The following FAM174A variants were observed in gnomAD, a reference collection of about 807,000 sequenced individuals.
The protein encoded by FAM174A is family with sequence similarity 174 member A.
A neutral mutation model predicts 14.3 loss-of-function variants in FAM174A; 14 were observed. The observed-to-expected ratio is 0.98, with a 90% CI of 0.65 to 1.53. FAM174A has a LOEUF of 1.53. Ranked by LOEUF, FAM174A falls within the 40% of genes most tolerant of loss-of-function variation. FAM174A has a pLI of 0.00. For missense variants in FAM174A, 241 were observed against 249.6 expected (o/e 0.97, Z 0.23); for synonymous variants, 108 against 111.4 (o/e 0.97, Z 0.19).
intron 1 of FAM174A, among the ~76,000 whole-genome samples, chr5:100,553,106 T>C (rs888626222): frequency 6.6e-6 from 1 of 152,070 alleles, no homozygotes; most frequent in African/African-American, 2.4e-5. Context: ...TCAACACACA[T>C]ATAGATGAGT....
chr5:100,564,149 G>A (rs528030063), intron 2 of FAM174A, among the ~76,000 whole-genome samples: 4 of 151,936 alleles, frequency 2.6e-5, no homozygotes, highest in African/African-American at 9.6e-5. Context: ...CCAAGCAGAT[G>A]TCAGCACCAT....
At chr5:100,574,058 C>T (rs1746850632) in intron 2 of FAM174A, among the ~76,000 whole-genome samples, 1 of 152,120 alleles carries the variant, frequency 6.6e-6, no homozygotes, top group Non-Finnish European at 1.5e-5. Context: ...TTAAGACAGT[C>T]ATGTATAAAC....
chr5:100,574,569 A>C (rs1746862449), intron 2 of FAM174A, among the ~76,000 whole-genome samples: 1 of 152,152 alleles, frequency 6.6e-6, no homozygotes, highest in Admixed American at 6.6e-5. Context: ...GAAGTTACTA[A>C]GTCCTATTTC....
At chr5:100,547,404 C>T (rs934876433) in intron 1 of FAM174A, among the ~76,000 whole-genome samples, 10 of 152,056 alleles carry the variant, frequency 6.6e-5, no homozygotes, top group Non-Finnish European at 1.5e-4. Context: ...CACACCTCCA[C>T]AGAAACCTAG....
intron 2 of FAM174A, among the ~76,000 whole-genome samples, chr5:100,577,591 A>G (rs1746927816): frequency 6.6e-6 from 1 of 152,154 alleles, no homozygotes; most frequent in African/African-American, 2.4e-5. Flanking sequence ...CAATTTGAAA[A>G]TACTGTAGTT....
At chr5:100,558,070 C>T (rs1222131137) in intron 1 of FAM174A, among the ~76,000 whole-genome samples, 1 of 152,110 alleles carries the variant, frequency 6.6e-6, no homozygotes, top group Admixed American at 6.6e-5. Context: ...CTCTTGTGGG[C>T]ATTTAGTGCT....
chr5:100,582,565 G>A, intron 2 of FAM174A, among the ~76,000 whole-genome samples: 1 of 151,942 alleles, frequency 6.6e-6, no homozygotes, highest in South Asian at 2.1e-4. Context: ...TTTAAATTAA[G>A]TAGTAGTAAA....
chr5:100,554,946 A>T (rs894184149), intron 1 of FAM174A, among the ~76,000 whole-genome samples: 11 of 151,778 alleles, frequency 7.2e-5, no homozygotes, highest in Non-Finnish European at 1.3e-4. Flanking sequence ...TTTTAATTAT[A>T]CTTTAAGTTT....
At chr5:100,574,680 A>G (rs749146443) in intron 2 of FAM174A, among the ~76,000 whole-genome samples, 1 of 152,110 alleles carries the variant, frequency 6.6e-6, no homozygotes, top group Non-Finnish European at 1.5e-5. Context: ...ACTCTTATTG[A>G]ATAAAAATTA....
intron 2 of FAM174A, among the ~76,000 whole-genome samples, chr5:100,572,245 T>TA (rs1354303496): frequency 6.1e-5 from 9 of 148,082 alleles, no homozygotes; most frequent in Non-Finnish European, 1.2e-4. Context: ...TTTTTTTTTT[T>TA]ACGTCTTTTT....
intron 2 of FAM174A, chr5:100,581,507 C>CTT (rs2112406005): frequency 2.5e-6 from 1 of 393,800 alleles, no homozygotes; most frequent in East Asian, 1.6e-4. Flanking sequence ...GATCCCAACA[C>CTT]TTTGGGAGGC....
intron 1 of FAM174A, among the ~76,000 whole-genome samples, chr5:100,551,817 G>A (rs371299842): frequency 1.3e-4 from 20 of 152,184 alleles, no homozygotes; most frequent in East Asian, 1.2e-3. Flanking sequence ...TTCACATGGC[G>A]TTCTGCCTGT....
rs1479380359 is a variant in FAM174A, at chr5:100,556,057, A to AGG, written c.435-5995_435-5994dup. Among the ~76,000 whole-genome samples, 25 of 152,264 alleles carry AGG rather than the reference A, an allele frequency of 1.6e-4. No individual in the cohort carries two copies. The East Asian group carries it at 4.4e-3, about 27-fold the overall frequency. On this transcript the variant is annotated intron_variant, in intron 1 of 2. Transcript: ENST00000312637. ...AATGGTATTGCCTAGGTTTTCTTCT[A>AGG]GGGTTTTTATGGTTTTAGGTCTAAC... is the stretch of plus-strand genomic sequence containing the variant.
chr5:100,555,433 G>C (rs34462099), intron 1 of FAM174A, among the ~76,000 whole-genome samples: 27,442 of 151,952 alleles, frequency 0.18, 3,191 homozygotes, highest in Admixed American at 0.32. Flanking sequence ...TAGTCCTTTG[G>C]GTATATACCC....
intron 2 of FAM174A, among the ~76,000 whole-genome samples, chr5:100,571,672 G>GTATATATATATACATATA (rs1554047762): frequency 7.3e-6 from 1 of 136,650 alleles, no homozygotes; most frequent in Non-Finnish European, 1.6e-5. Flanking sequence ...GTGTGTGTGT[G>GTATATATATATACATATA]TATATATATA....
At chr5:100,553,368 T>A (rs1353786292) in intron 1 of FAM174A, among the ~76,000 whole-genome samples, 1 of 152,086 alleles carries the variant, frequency 6.6e-6, no homozygotes, top group Non-Finnish European at 1.5e-5. Context: ...TTGAAATTGC[T>A]TTTTTTCTTC....
chr5:100,562,281 A>C, intron 2 of FAM174A, 93 bp downstream of exon 2: 1 of 1,156,144 alleles, frequency 8.6e-7, no homozygotes, highest in East Asian at 2.8e-5. Flanking sequence ...TTAACAGCTT[A>C]TATTCCAACA....
chr5:100,567,902 T>C (rs979353689), intron 2 of FAM174A, among the ~76,000 whole-genome samples: 1 of 151,928 alleles, frequency 6.6e-6, no homozygotes, highest in Non-Finnish European at 1.5e-5. Context: ...TAATGACTTT[T>C]CCCCTCCATA....
intron 2 of FAM174A, among the ~76,000 whole-genome samples, chr5:100,585,156 C>G (rs1580381220): frequency 6.6e-6 from 1 of 152,134 alleles, no homozygotes; most frequent in South Asian, 2.1e-4. Context: ...CTAGAGGGGA[C>G]TGTGAAATTA....
Sources: gnomAD v4.1 joint callset for allele counts (sites outside exome capture counted in the v4.1 genomes callset) on GRCh38, gnomAD v4.1.1 for gene constraint, MANE v1.5 for transcripts, NCBI Gene and HGNC (gene_info 2026-07-23, HGNC 2026-07-21) for gene names.